The following ABTB2 variants were observed in gnomAD, a reference collection of about 807,000 sequenced individuals.
ABTB2 encodes ankyrin repeat and BTB domain containing 2, also known as ankyrin repeat and BTB/POZ domain-containing protein 2.
Under a neutral mutation model 104.1 loss-of-function variants are expected in ABTB2, and 56 were observed. The ratio of observed to expected loss-of-function variants is 0.54; its 90% CI spans 0.43 to 0.67. The LOEUF (loss-of-function observed/expected upper bound fraction) is 0.67. ABTB2 is among the 30% of genes least tolerant of loss of function. The pLI, the probability that ABTB2 is intolerant of heterozygous loss-of-function variation, is 0.00. For missense variants in ABTB2, 1,279 were observed against 1,407.7 expected (o/e 0.91, Z 1.46); for synonymous variants, 606 against 608.2 (o/e 1.00, Z 0.05).
At chr11:34,355,549 A>C (rs1855455702) in intron 1 of ABTB2, among the ~76,000 whole-genome samples, 1 of 152,196 alleles carries the variant, frequency 6.6e-6, no homozygotes, top group Non-Finnish European at 1.5e-5. Context: ...CGACACATTA[A>C]GGGTTATTTT....
intron 1 of ABTB2, among the ~76,000 whole-genome samples, chr11:34,343,712 G>T (rs1855292959): frequency 6.6e-6 from 1 of 151,994 alleles, no homozygotes; most frequent in East Asian, 1.9e-4. Context: ...GGCCTCAGGT[G>T]ATCTGCCTGC....
At chr11:34,261,342 A>T (rs1031516391) in intron 1 of ABTB2, among the ~76,000 whole-genome samples, 5 of 152,168 alleles carry the variant, frequency 3.3e-5, no homozygotes, top group African/African-American at 1.2e-4. Context: ...AGACAAATAT[A>T]TGGACACATC....
intron 1 of ABTB2, among the ~76,000 whole-genome samples, chr11:34,268,708 T>A (rs1255063582): frequency 1.3e-5 from 2 of 152,196 alleles, no homozygotes; most frequent in African/African-American, 4.8e-5. Context: ...GCAAGAAGTC[T>A]GAAATCAAGG....
intron 11 of ABTB2, 47 bp downstream of exon 11, chr11:34,160,856 C>CTG (rs1852708403): frequency 6.4e-7 from 1 of 1,552,924 alleles, no homozygotes; most frequent in African/African-American, 1.4e-5. Flanking sequence ...GTCCCGTGGT[C>CTG]TGAGTCTGGG....
chr11:34,151,936 C>T lies in ABTB2; in HGVS notation c.*451G>A, dbSNP rs754500463. The T allele has an allele frequency of 8.7e-5, 14 of 160,598 alleles. No homozygotes were observed. The highest frequency in any genetic ancestry group is 1.4e-4 in the Non-Finnish European group (10 of 73,406). 9.9% of individuals were successfully genotyped at this position (160,598 alleles called of 1,614,324 possible). A position where few individuals can be genotyped will look rare whatever the true frequency, so the allele number is the denominator to read the frequency against. On this transcript the variant is annotated 3_prime_UTR_variant, in exon 17 of 17. Transcript: ENST00000435224. Reference sequence around the variant, plus strand: ...ATACCAGCTTTTGAATTACTGCAGACGACTGGGGGCCTAGGCAGTATGCAT... The same window carrying T: ...ATACCAGCTTTTGAATTACTGCAGATGACTGGGGGCCTAGGCAGTATGCAT...
intron 1 of ABTB2, among the ~76,000 whole-genome samples, chr11:34,222,670 T>C (rs1024483280): frequency 6.6e-6 from 1 of 152,330 alleles, no homozygotes. Flanking sequence ...TAACAGACTT[T>C]CCCTCCCAGA....
At chr11:34,271,806 G>T (rs1854317834) in intron 1 of ABTB2, among the ~76,000 whole-genome samples, 1 of 152,120 alleles carries the variant, frequency 6.6e-6, no homozygotes, top group African/African-American at 2.4e-5. Context: ...AACCATGGAA[G>T]TCACTGTTCC....
intron 1 of ABTB2, among the ~76,000 whole-genome samples, chr11:34,251,868 T>C (rs754729711): frequency 6.6e-6 from 1 of 152,114 alleles, no homozygotes; most frequent in African/African-American, 2.4e-5. Flanking sequence ...GCTTGAACGA[T>C]AGAAAAAGAT....
At chr11:34,348,834 G>A (rs1855365735) in intron 1 of ABTB2, among the ~76,000 whole-genome samples, 1 of 151,978 alleles carries the variant, frequency 6.6e-6, no homozygotes, top group Non-Finnish European at 1.5e-5. Context: ...GTTTGAAGGT[G>A]GTCACTATAA....
intron 1 of ABTB2, among the ~76,000 whole-genome samples, chr11:34,340,851 ACCT>A (rs1442179072): frequency 1.3e-5 from 2 of 152,084 alleles, no homozygotes; most frequent in Non-Finnish European, 2.9e-5. Context: ...AGCTCAGAAG[ACCT>A]CCTAGTTCAA....
intron 3 of ABTB2, among the ~76,000 whole-genome samples, chr11:34,192,273 A>G (rs1853186047): frequency 6.6e-6 from 1 of 152,178 alleles, no homozygotes; most frequent in Non-Finnish European, 1.5e-5. Context: ...AGCCTGGGAG[A>G]CAGAGCAAGA....
At chr11:34,168,638 G>A (rs1285243823) in intron 5 of ABTB2, among the ~76,000 whole-genome samples, 1 of 152,260 alleles carries the variant, frequency 6.6e-6, no homozygotes, top group Non-Finnish European at 1.5e-5. Context: ...CAACTAGCGA[G>A]AGGTTGAACT....
At chr11:34,341,208 A>G (rs1050560215) in intron 1 of ABTB2, among the ~76,000 whole-genome samples, 23 of 152,320 alleles carry the variant, frequency 1.5e-4, no homozygotes, top group African/African-American at 5.5e-4. Flanking sequence ...ATTTTTTAAA[A>G]CACCATTTTG....
chr11:34,160,402 G>C, intron 11 of ABTB2, 49 bp from the exon 12 acceptor site: 5 of 1,342,704 alleles, frequency 3.7e-6, no homozygotes, highest in Non-Finnish European at 5.3e-6. Context: ...GTGGCTGGCT[G>C]TTCACAGATG....
chr11:34,282,186 C>T (rs1276296183), intron 1 of ABTB2, among the ~76,000 whole-genome samples: 3 of 152,148 alleles, frequency 2.0e-5, no homozygotes, highest in Admixed American at 1.3e-4. Context: ...CTCTCTGGGG[C>T]CTCTTCCCAA....
chr11:34,278,871 C>T (rs1246039350), intron 1 of ABTB2, among the ~76,000 whole-genome samples: 1 of 152,172 alleles, frequency 6.6e-6, no homozygotes, highest in African/African-American at 2.4e-5. Flanking sequence ...AGGAGATGTG[C>T]TTCAGGTCAG....
At chr11:34,254,796 C>T (rs185241205) in intron 1 of ABTB2, among the ~76,000 whole-genome samples, 10 of 151,558 alleles carry the variant, frequency 6.6e-5, no homozygotes, top group African/African-American at 9.7e-5. Context: ...CTCAGCCTCC[C>T]GAGTAGCTGG....
At chr11:34,237,276 C>CTTTTTT (rs561473313) in intron 1 of ABTB2, among the ~76,000 whole-genome samples, 4 of 116,236 alleles carry the variant, frequency 3.4e-5, no homozygotes, top group Non-Finnish European at 3.5e-5. Context: ...CCTGGATATT[C>CTTTTTT]TTTTTTTTTT....
intron 9 of ABTB2, 95 bp downstream of exon 9, chr11:34,164,591 G>A (rs1319572387): frequency 3.0e-6 from 4 of 1,342,954 alleles, no homozygotes; most frequent in Non-Finnish European, 2.9e-6. Context: ...AGGTCTCCGG[G>A]CCTAGCTCTT....
Sources: gnomAD v4.1 joint callset for allele counts (sites outside exome capture counted in the v4.1 genomes callset) on GRCh38, gnomAD v4.1.1 for gene constraint, MANE v1.5 for transcripts, NCBI Gene and HGNC (gene_info 2026-07-23, HGNC 2026-07-21) for gene names.